Variants in CYTH3 observed in about 807,000 individuals in gnomAD.
CYTH3 encodes the protein cytohesin-3.
Under a neutral mutation model 55.1 loss-of-function variants are expected in CYTH3, and 23 were observed. That is an observed-to-expected ratio of 0.42 (90% CI 0.30 to 0.59). CYTH3 has a LOEUF of 0.59. Among genes scored for constraint, CYTH3 ranks in the 20% least tolerant of loss-of-function variants. The pLI is 0.20. For missense variants in CYTH3, 413 were observed against 524.8 expected (o/e 0.79, Z 2.08); for synonymous variants, 249 against 194.9 (o/e 1.28, Z -2.31).
At chr7:6,226,081 C>A (rs773074762) in intron 1 of CYTH3, among the ~76,000 whole-genome samples, 5 of 152,056 alleles carry the variant, frequency 3.3e-5, no homozygotes, top group Admixed American at 2.6e-4. Context: ...GAACATAAAC[C>A]CATGTCCCTA....
intron 1 of CYTH3, among the ~76,000 whole-genome samples, chr7:6,230,213 A>C (rs1779355916): frequency 1.3e-5 from 2 of 152,214 alleles, no homozygotes; most frequent in Non-Finnish European, 2.9e-5. Flanking sequence ...AAACAAACTC[A>C]GTCCGAATGG....
At chr7:6,244,955 ATTTTTTTTTTTTTTTTTTTTTTTTTT>A (rs887701278) in intron 1 of CYTH3, among the ~76,000 whole-genome samples, 44 of 36,454 alleles carry the variant, frequency 1.2e-3, no homozygotes, top group Non-Finnish European at 2.1e-3. Context: ...CGCCCGGCTA[ATTTTTTTTTTTTTTTTTTTTTTTTTT>A]TTTTTTTTTT....
rs1179528855 is a variant in CYTH3, at chr7:6,163,874, G to C, written c.*1070C>G. 1.3e-5 allele frequency: 2 copies of C among 152,282 alleles called. No individual in the cohort carries two copies. The highest frequency in any genetic ancestry group is 3.4e-3 in the Middle Eastern group (1 of 294). The allele number at this position is 152,282 out of a possible 1,614,324, so 9.4% of individuals were successfully genotyped here. On this transcript the variant is annotated 3_prime_UTR_variant, in exon 13 of 13. Coordinates refer to ENST00000350796, the MANE Select transcript of CYTH3 (RefSeq NM_004227.4). ...CATTTTGCCACAGGTTTTAAATAGC[G>C]ATGAATATGGTCAAAAGCCGGTCTA...
At chr7:6,243,318 TGGC>T (rs1326315080) in intron 1 of CYTH3, among the ~76,000 whole-genome samples, 1 of 152,206 alleles carries the variant, frequency 6.6e-6, no homozygotes, top group Non-Finnish European at 1.5e-5. Flanking sequence ...CACCTGTGAC[TGGC>T]CAGGTCTGGC....
chr7:6,219,885 G>C (rs1295710131), intron 1 of CYTH3, among the ~76,000 whole-genome samples: 4 of 152,026 alleles, frequency 2.6e-5, no homozygotes, highest in Non-Finnish European at 5.9e-5. Context: ...ACAAATTGGA[G>C]GAATTATTCT....
At chr7:6,208,376 T>C (rs1357280660) in intron 1 of CYTH3, among the ~76,000 whole-genome samples, 1 of 152,178 alleles carries the variant, frequency 6.6e-6, no homozygotes, top group Admixed American at 6.5e-5. Flanking sequence ...CTACAAGCAA[T>C]GGAAGAATCA....
chr7:6,271,244 C>A (rs1780644038), intron 1 of CYTH3, among the ~76,000 whole-genome samples: 2 of 152,160 alleles, frequency 1.3e-5, no homozygotes, highest in Non-Finnish European at 2.9e-5. Context: ...CGGGTGCCAA[C>A]TTCCCACCAT....
At chr7:6,254,609 C>T (rs942885295) in intron 1 of CYTH3, among the ~76,000 whole-genome samples, 7 of 152,274 alleles carry the variant, frequency 4.6e-5, no homozygotes, top group Admixed American at 3.3e-4. Context: ...CCACAATGCT[C>T]GGCTAATTTT....
intron 1 of CYTH3, among the ~76,000 whole-genome samples, chr7:6,264,145 G>T (rs1490650753): frequency 2.6e-5 from 4 of 152,032 alleles, no homozygotes; most frequent in Non-Finnish European, 2.9e-5. Context: ...TACTCAGGAG[G>T]GTGAGGCAGA....
At chr7:6,234,651 T>C (rs181943936) in intron 1 of CYTH3, among the ~76,000 whole-genome samples, 4 of 152,242 alleles carry the variant, frequency 2.6e-5, no homozygotes, top group East Asian at 3.9e-4. Flanking sequence ...TGAGCAGCTG[T>C]ACTTAGTGAG....
At position 6,164,992 on chromosome 7, in the gene CYTH3, G is replaced by A; in HGVS notation, c.1152C>T (p.Phe384=). 1 of 1,614,210 alleles carries A rather than the reference G, an allele frequency of 6.2e-7. No individual in the cohort carries two copies. The highest frequency in any genetic ancestry group is 8.5e-7 in the Non-Finnish European group (1 of 1,180,030). ...GTTTCCTCGTTGCCAACATGTCATA[G>A]AAGGGATCTCTGCTGATACTGGCTC... ...SIKASISRDP[F]YDMLATRKRR... is the part of the protein sequence containing the mutation. The change falls in exon 13 of 13, where the codon TTC becomes TTT. Residue 384 remains phenylalanine (F), a synonymous_variant. Transcript: ENST00000350796.
intron 1 of CYTH3, among the ~76,000 whole-genome samples, chr7:6,259,811 ATAATATATAT>A: frequency 3.8e-5 from 1 of 26,390 alleles, no homozygotes; most frequent in Non-Finnish European, 5.3e-5. Context: ...ATATATATAT[ATAATATATAT>A]ATATATATAT....
chr7:6,263,161 A>G (rs533147285), intron 1 of CYTH3, among the ~76,000 whole-genome samples: 46 of 152,324 alleles, frequency 3.0e-4, no homozygotes, highest in African/African-American at 1.1e-3. Flanking sequence ...AAACCTTCAC[A>G]TGTACCCCTG....
At chr7:6,188,050 G>GA (rs1783699781) in intron 2 of CYTH3, among the ~76,000 whole-genome samples, 1 of 152,182 alleles carries the variant, frequency 6.6e-6, no homozygotes, top group African/African-American at 2.4e-5. Context: ...AACCAAGCCA[G>GA]GAGCAGTGGC....
At chr7:6,228,940 T>TG (rs1322578628) in intron 1 of CYTH3, among the ~76,000 whole-genome samples, 1 of 152,172 alleles carries the variant, frequency 6.6e-6, no homozygotes, top group Non-Finnish European at 1.5e-5. Flanking sequence ...TAAGACACTG[T>TG]GCAATCGCTG....
intron 4 of CYTH3, among the ~76,000 whole-genome samples, chr7:6,186,255 A>G (rs1185949055): frequency 2.0e-5 from 3 of 151,212 alleles, no homozygotes; most frequent in Non-Finnish European, 4.4e-5. Flanking sequence ...AAAAAAAAAA[A>G]AAAAAAAAAA....
intron 1 of CYTH3, among the ~76,000 whole-genome samples, chr7:6,199,407 T>C (rs10951977): frequency 0.076 from 11,594 of 152,174 alleles, 743 homozygotes; most frequent in African/African-American, 0.17. Flanking sequence ...TCCCAGCCAC[T>C]GGGGAGTCTG....
At chr7:6,191,477 TA>T (rs1374452639) in intron 1 of CYTH3, among the ~76,000 whole-genome samples, 1 of 152,002 alleles carries the variant, frequency 6.6e-6, no homozygotes, top group African/African-American at 2.4e-5. Context: ...CAATCACACA[TA>T]TTTTCAATCA....
At chr7:6,229,781 C>T (rs989946813) in intron 1 of CYTH3, among the ~76,000 whole-genome samples, 2 of 150,552 alleles carry the variant, frequency 1.3e-5, no homozygotes, top group Non-Finnish European at 2.9e-5. Flanking sequence ...CACACCACTG[C>T]ACTCCAGCCT....
Sources: gnomAD v4.1 joint callset for allele counts (sites outside exome capture counted in the v4.1 genomes callset) on GRCh38, gnomAD v4.1.1 for gene constraint, MANE v1.5 for transcripts, NCBI Gene and HGNC (gene_info 2026-07-23, HGNC 2026-07-21) for gene names.